The following ZNF99 variants were observed in gnomAD, a reference collection of about 807,000 sequenced individuals.
The protein encoded by ZNF99 is zinc finger protein 99, also known as zinc finger protein ENSP00000375192.
In ZNF99, 8 loss-of-function variants were observed where a neutral mutation model predicts 12.8. The observed-to-expected ratio is 0.62, with a 90% CI of 0.37 to 1.13. The LOEUF is 1.13. Among genes scored for constraint, ZNF99 ranks in the 50% most tolerant of loss-of-function variants. The pLI is 0.02. For missense variants in ZNF99, 1,007 were observed against 1,006.2 expected, an observed-to-expected ratio of 1.00 and a Z score of -0.01; for synonymous variants, 318 against 319.0, an observed-to-expected ratio of 1.00 and a Z score of 0.03.
chr19:22,766,626 C>G (rs994618319), intron 3 of ZNF99, among the ~76,000 whole-genome samples: 3 of 151,404 alleles, frequency 2.0e-5, no homozygotes, highest in Admixed American at 1.3e-4. Context: ...CATGAGCCAC[C>G]GTGCCCGGCA....
rs761243158 is a variant in ZNF99, at chr19:22,758,856, G to A, written c.1053C>T (p.Ser351=). ...CATGTTTTCTAAGGGTTGAGGACTG[G>A]CTAAAAGCTTTGCCACATTCTTCAC... is the stretch of plus-strand genomic sequence containing the variant. ...YKCEECGKAF[S]QSSTLRKHEI... is the part of the protein sequence containing the mutation. Residue 351 remains serine (S), a synonymous_variant, in exon 4 of 4, where the codon AGC becomes AGT. Coordinates refer to ENST00000596209, the MANE Select transcript of ZNF99 (RefSeq NM_001080409.3). The A allele has an allele frequency of 1.5e-5, 24 of 1,611,820 alleles. No homozygotes were observed. The East Asian group carries it at 5.1e-4, about 35-fold the overall frequency.
chr19:22,758,850 G>A lies in ZNF99; in HGVS notation c.1059C>T (p.Ser353=), dbSNP rs1244389138. The A allele has an allele frequency of 6.2e-7, 1 of 1,605,740 alleles. No individual in the cohort carries two copies. Among genetic ancestry groups the A allele is most frequent in the Non-Finnish European group, 8.5e-7 (1 of 1,175,054 alleles). The change falls in exon 4 of 4, where the codon TCC becomes TCT. Residue 353 remains serine, a synonymous_variant. Transcript: ENST00000596209. ...TTATCTCATGTTTTCTAAGGGTTGA[G>A]GACTGGCTAAAAGCTTTGCCACATT... ...CEECGKAFSQ[S]STLRKHEIIH... is the part of the protein sequence containing the mutation.
intron 3 of ZNF99, among the ~76,000 whole-genome samples, chr19:22,760,514 G>C (rs1973138552): frequency 6.6e-6 from 1 of 152,128 alleles, no homozygotes; most frequent in Non-Finnish European, 1.5e-5. Flanking sequence ...AGAGGCCTAG[G>C]TGGGCAGATC....
rs780994793 is a variant in ZNF99, at chr19:22,758,787, G to T, written c.1122C>A (p.Cys374Ter). 4.4e-6 allele frequency: 7 copies of T among 1,601,280 alleles called. No individual in the cohort carries two copies. The Admixed American group carries it at 1.0e-4, about 23-fold the overall frequency. Residue 374 changes from cysteine (C) to a stop codon, truncating the protein, a stop_gained, in exon 4 of 4, where the codon TGC (cysteine) becomes TGA (stop). Coordinates refer to ENST00000596209, the MANE Select transcript of ZNF99 (RefSeq NM_001080409.3). LOFTEE classifies it low-confidence loss of function (END_TRUNC). ...CTGACAAATTGCTAAAAGCTTTGCC[G>T]CATTCTTCATATTTGTAGGGTTTCT... ...TEEKPYKYEE[C>*]GKAFSNLSAL...
intron 3 of ZNF99, among the ~76,000 whole-genome samples, chr19:22,764,053 T>A (rs1973178896): frequency 6.6e-6 from 1 of 151,456 alleles, no homozygotes; most frequent in African/African-American, 2.4e-5. Context: ...GGATTACAGG[T>A]GCCTGCCACT....
intron 1 of ZNF99, among the ~76,000 whole-genome samples, chr19:22,774,776 A>T (rs1226588768): frequency 6.6e-6 from 1 of 152,190 alleles, no homozygotes; most frequent in Non-Finnish European, 1.5e-5. Flanking sequence ...AGGCTGAGGC[A>T]GGAGAATAGC....
intron 3 of ZNF99, among the ~76,000 whole-genome samples, chr19:22,764,837 C>T (rs1280514125): frequency 6.6e-6 from 1 of 152,028 alleles, no homozygotes; most frequent in East Asian, 1.9e-4. Flanking sequence ...AATAAAAAAA[C>T]AGATGTTGGT....
chr19:22,757,808 C>A lies in ZNF99; in HGVS notation c.2101G>T (p.Gly701Ter), dbSNP rs1568382723. The A allele has an allele frequency of 3.1e-6, 5 of 1,612,456 alleles. No homozygotes were observed. Among genetic ancestry groups the A allele is most frequent in the Middle Eastern group, 3.3e-4 (2 of 6,054 alleles). ...TCTTCACATTTGTAGGGTTTCTTTC[C>A]AGTATGAATTATCTTATGTTTCCTA... ...ALRKHKIIHTGKKPYKCEECG... is the reference protein window; with the variant it reads ...ALRKHKIIHT Residue 701 changes from glycine (G) to a stop codon, truncating the protein, a stop_gained, in exon 4 of 4, where the codon GGA becomes TGA. Coordinates refer to ENST00000596209, the MANE Select transcript of ZNF99 (RefSeq NM_001080409.3). LOFTEE classifies it low-confidence loss of function (END_TRUNC).
chr19:22,772,423 G>A (rs547176087), intron 1 of ZNF99, among the ~76,000 whole-genome samples: 9 of 152,290 alleles, frequency 5.9e-5, no homozygotes, highest in South Asian at 2.1e-4. Context: ...GGTGGCTTGC[G>A]CCTATAATCC....
At position 22,759,142 on chromosome 19, in the gene ZNF99, G is replaced by C. The variant is rs948275616; in HGVS notation, c.767C>G (p.Pro256Arg). The C allele has an allele frequency of 6.6e-5, 107 of 1,609,992 alleles. No individual in the cohort carries two copies. Among genetic ancestry groups the C allele is most frequent in the Non-Finnish European group, 8.8e-5 (104 of 1,177,898 alleles). The change falls in exon 4 of 4, where the codon CCC (proline) becomes CGC (arginine). Residue 256 changes from proline to arginine, a missense_variant. By Grantham distance (103) the Pro-to-Arg change is moderately radical. Coordinates refer to ENST00000596209, the MANE Select transcript of ZNF99 (RefSeq NM_001080409.3). Reference sequence around the variant, plus strand: ...TTTGCCACATTCTTCACATTTGCAGGGTTTCTTTCCAGTATGAATTATCTT... The same window carrying C: ...TTTGCCACATTCTTCACATTTGCAGCGTTTCTTTCCAGTATGAATTATCTT... Reference protein sequence around the residue: ...KCKIIHTGKKPCKCEECGKVF... With the variant: ...KCKIIHTGKKRCKCEECGKVF...
intron 2 of ZNF99, among the ~76,000 whole-genome samples, chr19:22,768,805 G>C (rs1048322016): frequency 6.6e-6 from 1 of 152,124 alleles, no homozygotes; most frequent in South Asian, 2.1e-4. Flanking sequence ...GGCCGAGGCA[G>C]GTGGATCACC....
At chr19:22,782,965 G>T (rs1973406512) in intron 1 of ZNF99, among the ~76,000 whole-genome samples, 1 of 151,968 alleles carries the variant, frequency 6.6e-6, no homozygotes, top group Non-Finnish European at 1.5e-5. Flanking sequence ...ACCGAGCCAG[G>T]CCTGATAATC....
intron 1 of ZNF99, chr19:22,773,769 A>G (rs1973297196): frequency 6.6e-6 from 1 of 152,194 alleles, no homozygotes; most frequent in Non-Finnish European, 1.5e-5. Flanking sequence ...GACCCCTACC[A>G]TCTGCCATTG....
chr19:22,780,164 G>A (rs1973371689), intron 1 of ZNF99, among the ~76,000 whole-genome samples: 1 of 152,056 alleles, frequency 6.6e-6, no homozygotes, highest in African/African-American at 2.4e-5. Flanking sequence ...CCTTTTGCAG[G>A]CTCAGTATTA....
chr19:22,768,272 T>C lies in ZNF99; in HGVS notation c.226+33A>G, dbSNP rs370919453. On this transcript the variant is annotated intron_variant, in intron 3 of 3. Transcript: ENST00000596209. ...TTCTCCTGGACCTCTGGACCTCTTATTTGTGTTGTTTCTTGTATTCACTCT... is the reference window on the plus strand; with the variant it reads ...TTCTCCTGGACCTCTGGACCTCTTACTTGTGTTGTTTCTTGTATTCACTCT... 6 of 1,609,760 alleles carry C rather than the reference T, an allele frequency of 3.7e-6. No homozygotes were observed. The African/African-American group carries it at 6.7e-5, about 18-fold the overall frequency.
chr19:22,764,168 A>G (rs1973180628), intron 3 of ZNF99, among the ~76,000 whole-genome samples: 1 of 151,862 alleles, frequency 6.6e-6, no homozygotes, highest in Admixed American at 6.6e-5. Flanking sequence ...CAGCCTCCCA[A>G]AGTGCTGGGA....
rs778448174 is a variant in ZNF99 at position 22,758,582 on chromosome 19, G to C, written c.1327C>G (p.His443Asp). The change falls in exon 4 of 4, where the codon CAT becomes GAT. Residue 443 changes from histidine (H) to aspartate (D), a missense_variant. His to Asp is a moderately conservative substitution (Grantham distance 81, BLOSUM62 -1). Coordinates refer to ENST00000596209, the MANE Select transcript of ZNF99 (RefSeq NM_001080409.3). ...TGCTTTCCAGTATGAATTATCTTAT[G>C]TTTTCTAAGGGCTGAGAAACGCTTA... ...AFKRFSALRK[H>D]KIIHTGKQPY... The C allele has an allele frequency of 1.4e-5, 22 of 1,612,882 alleles. No homozygotes were observed. In the Middle Eastern group the frequency reaches 5.0e-4, roughly 36 times the overall value.
At position 22,769,332 on chromosome 19, in the gene ZNF99, A is replaced by AC; in HGVS notation, c.4-9dup. 6.2e-7 allele frequency: 1 copy of AC among 1,601,738 alleles called. No homozygotes were observed. The highest frequency in any genetic ancestry group is 8.5e-7 in the Non-Finnish European group (1 of 1,174,670). On this transcript the variant is annotated splice_polypyrimidine_tract_variant and intron_variant, in intron 1 of 3. Transcript: ENST00000596209. ...CCAAAATGTCAACGATCCCTGAAAA[A>AC]CACAACAAAGATACATATAGATTTC...
intron 1 of ZNF99, among the ~76,000 whole-genome samples, chr19:22,783,761 G>C (rs973626373): frequency 1.3e-5 from 2 of 152,208 alleles, no homozygotes; most frequent in East Asian, 3.9e-4. Flanking sequence ...GGCGCTGCGG[G>C]TGAAGAGCGG....
Sources: gnomAD v4.1 joint callset for allele counts (sites outside exome capture counted in the v4.1 genomes callset) on GRCh38, gnomAD v4.1.1 for gene constraint, MANE v1.5 for transcripts, NCBI Gene and HGNC (gene_info 2026-07-23, HGNC 2026-07-21) for gene names.